The following PXDNL variants were observed in gnomAD, a reference collection of about 807,000 sequenced individuals.
PXDNL encodes the protein peroxidasin like, also known as probable oxidoreductase PXDNL.
In PXDNL, 145 loss-of-function variants were observed where a neutral mutation model predicts 150.8. The ratio of observed to expected loss-of-function variants is 0.96; its 90% CI spans 0.84 to 1.10. PXDNL has a LOEUF of 1.10. Among genes scored for constraint, PXDNL ranks in the 50% least tolerant of loss-of-function variants. The pLI is 0.00. For synonymous variants in PXDNL, 757 were observed against 725.7 expected (o/e 1.04, Z -0.69); for missense variants, 2,087 against 1,873.9 (o/e 1.11, Z -2.10).
intron 1 of PXDNL, among the ~76,000 whole-genome samples, chr8:51,735,526 GTTTTTTTTT>G (rs777986365): frequency 4.9e-5 from 2 of 41,058 alleles, no homozygotes; most frequent in African/African-American, 5.2e-5. Flanking sequence ...ATTAAAAATT[GTTTTTTTTT>G]TTTTTTTTTT....
intron 19 of PXDNL, among the ~76,000 whole-genome samples, chr8:51,348,626 TTATATAAA>T (rs1157649477): frequency 6.6e-6 from 1 of 152,190 alleles, no homozygotes; most frequent in East Asian, 1.9e-4. Context: ...CATATTTATC[TTATATAAA>T]TATATACATA....
At chr8:51,674,536 A>G (rs777126596) in intron 1 of PXDNL, among the ~76,000 whole-genome samples, 1 of 152,216 alleles carries the variant, frequency 6.6e-6, no homozygotes, top group African/African-American at 2.4e-5. Context: ...TGATTGAGTT[A>G]TAAGTTCTCT....
At chr8:51,696,759 A>G (rs946829468) in intron 1 of PXDNL, among the ~76,000 whole-genome samples, 3 of 1,072 alleles carry the variant, frequency 2.8e-3, no homozygotes, top group Non-Finnish European at 7.0e-3. Flanking sequence ...CCACCCACAC[A>G]TAGGTCTTCA....
chr8:51,787,483 G>C (rs1054212399), intron 1 of PXDNL, among the ~76,000 whole-genome samples: 3 of 152,234 alleles, frequency 2.0e-5, no homozygotes, highest in Non-Finnish European at 4.4e-5. Flanking sequence ...GGATGACTTA[G>C]AGGGGTTCAA....
At chr8:51,443,669 A>G (rs1236804185) in intron 12 of PXDNL, among the ~76,000 whole-genome samples, 1 of 152,232 alleles carries the variant, frequency 6.6e-6, no homozygotes, top group East Asian at 1.9e-4. Context: ...TCTACAAAAA[A>G]GTAGTGAGTA....
intron 21 of PXDNL, among the ~76,000 whole-genome samples, chr8:51,322,814 G>A (rs975830430): frequency 6.6e-6 from 1 of 152,190 alleles, no homozygotes; most frequent in African/African-American, 2.4e-5. Flanking sequence ...AGGAGGGTTG[G>A]TTCTTGGAAG....
rs1262063161 is a variant in PXDNL at position 51,392,006 on chromosome 8, C to A, written c.3557+16061G>T. Among the ~76,000 whole-genome samples the A allele has an allele frequency of 3.9e-5, 6 of 152,178 alleles. No individual in the cohort carries two copies. In the East Asian group the frequency reaches 1.2e-3, roughly 29 times the overall value. On this transcript the variant is annotated intron_variant, in intron 17 of 22. Transcript: ENST00000356297. Reference sequence around the variant, plus strand: ...TTTATGAAATAGGGAATCCTTTCCCCATTGCTTGTTTTTCTCAGGCTTGTC... The same window carrying A: ...TTTATGAAATAGGGAATCCTTTCCCAATTGCTTGTTTTTCTCAGGCTTGTC...
chr8:51,707,306 A>C (rs2976209), intron 1 of PXDNL, among the ~76,000 whole-genome samples: 111,618 of 152,010 alleles, frequency 0.73, 41,231 homozygotes, highest in East Asian at 0.82. Context: ...GTCCCTTTTT[A>C]AATCTTTCAG....
chr8:51,807,872 A>G (rs977222746), intron 1 of PXDNL, among the ~76,000 whole-genome samples: 1 of 152,214 alleles, frequency 6.6e-6, no homozygotes, highest in Non-Finnish European at 1.5e-5. Flanking sequence ...GCTATCTACC[A>G]AAAAACTGTC....
At chr8:51,563,569 A>G (rs1812758360) in intron 3 of PXDNL, among the ~76,000 whole-genome samples, 1 of 152,032 alleles carries the variant, frequency 6.6e-6, no homozygotes, top group Non-Finnish European at 1.5e-5. Context: ...AAGAATGAGT[A>G]ACAGAGATTC....
chr8:51,374,647 T>A lies in PXDNL; in HGVS notation c.3642A>T (p.Thr1214=). 3 of 1,613,954 alleles carry A rather than the reference T, an allele frequency of 1.9e-6. No individual in the cohort carries two copies. Among genetic ancestry groups the A allele is most frequent in the Non-Finnish European group, 2.5e-6 (3 of 1,179,862 alleles). Residue 1214 remains threonine (T), a synonymous_variant, in exon 18 of 23, where the codon ACA becomes ACT. Transcript: ENST00000356297. ...DLIPGTRVGP[T]LMCLFVTQFQ... is the part of the protein sequence containing the mutation. ...ACTGGGTAACAAACAGGCACATAAG[T>A]GTTGGTCCCACTCTTGTACCAGGAA...
intron 1 of PXDNL, among the ~76,000 whole-genome samples, chr8:51,723,650 C>T (rs1374705389): frequency 1.3e-5 from 2 of 152,160 alleles, no homozygotes; most frequent in African/African-American, 2.4e-5. Flanking sequence ...CCCTATGTGG[C>T]GGGAGCAATT....
intron 1 of PXDNL, among the ~76,000 whole-genome samples, chr8:51,686,227 T>C (rs973915950): frequency 3.3e-5 from 5 of 152,216 alleles, no homozygotes; most frequent in African/African-American, 1.2e-4. Flanking sequence ...AACAGTCCTC[T>C]AGAACTCTCT....
intron 8 of PXDNL, among the ~76,000 whole-genome samples, chr8:51,469,925 TTATTC>T: frequency 6.6e-6 from 1 of 152,210 alleles, no homozygotes; most frequent in African/African-American, 2.4e-5. Context: ...ATACTTTTCT[TTATTC>T]TATTCTTTCT....
intron 1 of PXDNL, among the ~76,000 whole-genome samples, chr8:51,756,381 G>A (rs1403802527): frequency 7.2e-6 from 1 of 139,644 alleles, no homozygotes; most frequent in African/African-American, 2.7e-5. Flanking sequence ...GACACAGTGA[G>A]ACCCCATCAC....
chr8:51,370,206 T>C (rs1044086025), intron 19 of PXDNL, among the ~76,000 whole-genome samples: 6 of 152,190 alleles, frequency 3.9e-5, no homozygotes, highest in African/African-American at 1.2e-4. Flanking sequence ...GAATCACATA[T>C]CACATGGGCA....
chr8:51,700,287 ATACACATG>A (rs950949614), intron 1 of PXDNL, among the ~76,000 whole-genome samples: 1 of 152,054 alleles, frequency 6.6e-6, no homozygotes, highest in African/African-American at 2.4e-5. Flanking sequence ...ATATACATAC[ATACACATG>A]TACACATGTA....
intron 4 of PXDNL, among the ~76,000 whole-genome samples, chr8:51,534,257 C>T (rs1239204537): frequency 1.4e-5 from 2 of 140,538 alleles, no homozygotes; most frequent in African/African-American, 3.1e-5. Flanking sequence ...GCAACCGCCC[C>T]GTCTGAGAAG....
intron 2 of PXDNL, among the ~76,000 whole-genome samples, chr8:51,600,285 T>C (rs1225524883): frequency 9.8e-6 from 1 of 101,540 alleles, no homozygotes; most frequent in Non-Finnish European, 2.0e-5. Context: ...GATAATAAAT[T>C]ATATCTTATA....
Sources: gnomAD v4.1 joint callset for allele counts (sites outside exome capture counted in the v4.1 genomes callset) on GRCh38, gnomAD v4.1.1 for gene constraint, MANE v1.5 for transcripts, NCBI Gene and HGNC (gene_info 2026-07-23, HGNC 2026-07-21) for gene names.